Variants in THADA observed in about 807,000 individuals in gnomAD.
THADA encodes THADA armadillo repeat containing, also known as tRNA (32-2'-O)-methyltransferase regulator THADA.
THADA carries 213 observed loss-of-function variants against 219.8 expected under a neutral mutation model. The observed-to-expected ratio is 0.97, with a 90% CI of 0.87 to 1.09. THADA has a LOEUF of 1.09. Among genes scored for constraint, THADA ranks in the 50% least tolerant of loss-of-function variants. THADA has a pLI of 0.00. For missense variants in THADA, 2,956 were observed against 2,311.3 expected (o/e 1.28, Z -5.72); for synonymous variants, 1,018 against 828.9 (o/e 1.23, Z -3.92).
At chr2:43,488,030 T>C (rs1687123771) in intron 25 of THADA, among the ~76,000 whole-genome samples, 1 of 152,168 alleles carries the variant, frequency 6.6e-6, no homozygotes, top group Non-Finnish European at 1.5e-5. Context: ...TTTTTTAAAG[T>C]TTTTCCTCAT....
At chr2:43,364,078 T>C (rs1474919614) in intron 29 of THADA, among the ~76,000 whole-genome samples, 1 of 141,682 alleles carries the variant, frequency 7.1e-6, no homozygotes, top group Non-Finnish European at 1.5e-5. Flanking sequence ...CAAAAAATTA[T>C]ATGGGTGTGA....
At chr2:43,533,893 A>T (rs2103767587) in intron 21 of THADA, among the ~76,000 whole-genome samples, 1 of 152,328 alleles carries the variant, frequency 6.6e-6, no homozygotes, top group Admixed American at 6.5e-5. Context: ...GTCTCCCAGA[A>T]CTTAAAGTAA....
intron 17 of THADA, 166 bp downstream of exon 17, chr2:43,556,179 C>T: frequency 7.4e-7 from 1 of 1,352,868 alleles, no homozygotes; most frequent in Non-Finnish European, 9.7e-7. Context: ...AGTATTATAG[C>T]TGACTAAAAT....
chr2:43,397,663 C>A, intron 29 of THADA, among the ~76,000 whole-genome samples: 1 of 151,574 alleles, frequency 6.6e-6, no homozygotes, highest in Admixed American at 6.6e-5. Flanking sequence ...TGCAGGCATA[C>A]TTGATGGAAA....
chr2:43,582,599 C>T (rs1282226823), intron 7 of THADA, among the ~76,000 whole-genome samples: 2 of 140,804 alleles, frequency 1.4e-5, no homozygotes, highest in Non-Finnish European at 3.1e-5. Flanking sequence ...ACAGAGTCTC[C>T]CCCTCTGTCA....
At chr2:43,260,173 G>A (rs975619633) in intron 36 of THADA, among the ~76,000 whole-genome samples, 1 of 152,150 alleles carries the variant, frequency 6.6e-6, no homozygotes, top group Non-Finnish European at 1.5e-5. Context: ...GAACTCAAGT[G>A]ATCCTCCAGC....
intron 28 of THADA, among the ~76,000 whole-genome samples, chr2:43,422,938 C>T (rs1426613968): frequency 6.6e-6 from 1 of 152,108 alleles, no homozygotes; most frequent in Non-Finnish European, 1.5e-5. Flanking sequence ...CCAGGCTGGT[C>T]CAGGCTATTT....
intron 36 of THADA, among the ~76,000 whole-genome samples, chr2:43,234,135 T>C (rs1667754351): frequency 6.6e-6 from 1 of 152,216 alleles, no homozygotes. Flanking sequence ...CCAGTCCTTC[T>C]AGCATCCTAT....
chr2:43,548,144 T>G (rs1323174406), intron 20 of THADA, among the ~76,000 whole-genome samples: 2 of 152,246 alleles, frequency 1.3e-5, no homozygotes, highest in African/African-American at 4.8e-5. Context: ...AGACCCTGTT[T>G]GCCTGGGTAC....
Position 43,595,978 on chromosome 2 carries a change from C to G in THADA, c.-72G>C, listed in dbSNP as rs773577554. 2.6e-5 allele frequency: 4 copies of G among 152,348 alleles called. No homozygotes were observed. The highest frequency in any genetic ancestry group is 9.7e-5 in the African/African-American group (4 of 41,430). 9.4% of individuals were successfully genotyped at this position (152,348 alleles called of 1,614,324 possible). On this transcript the variant is annotated 5_prime_UTR_variant, in exon 1 of 38. Coordinates refer to ENST00000405975, the MANE Select transcript of THADA (RefSeq NM_022065.5). ...AAGAGTCGCAGGCGCCTGGTCCAGT[C>G]CCGGAAGCAGGTCTCCTTCTACGGC...
chr2:43,368,018 T>C (rs566151794), intron 29 of THADA, among the ~76,000 whole-genome samples: 2 of 152,190 alleles, frequency 1.3e-5, no homozygotes, highest in Non-Finnish European at 2.9e-5. Flanking sequence ...CTTGGGAGGC[T>C]GAGGCAGGAG....
chr2:43,556,382 A>G lies in THADA; in HGVS notation c.2637T>C (p.Asp879=), dbSNP rs754294786. The G allele has an allele frequency of 7.4e-6, 12 of 1,613,910 alleles. No homozygotes were observed. Among genetic ancestry groups the G allele is most frequent in the South Asian group, 1.1e-5 (1 of 91,080 alleles). The part of the protein sequence containing the change: ...LTQQVACDNG[D]RPAAVVERNT... Reference sequence around the variant, plus strand: ...TCCTTTCCACCACAGCAGCAGGCCTATCTCCATTATCACATGCAACTTGCT... The same window carrying G: ...TCCTTTCCACCACAGCAGCAGGCCTGTCTCCATTATCACATGCAACTTGCT... Residue 879 remains aspartate (D), a synonymous_variant, in exon 17 of 38, where the codon GAT becomes GAC. Transcript: ENST00000405975.
intron 29 of THADA, among the ~76,000 whole-genome samples, chr2:43,356,284 C>T (rs1015478788): frequency 1.3e-4 from 20 of 151,592 alleles, no homozygotes; most frequent in African/African-American, 3.4e-4. Flanking sequence ...AAATTCCAGA[C>T]GGAGAAAAGA....
At chr2:43,436,608 T>C (rs1680150116) in intron 26 of THADA, among the ~76,000 whole-genome samples, 1 of 152,218 alleles carries the variant, frequency 6.6e-6, no homozygotes, top group South Asian at 2.1e-4. Flanking sequence ...AAGGGACAGC[T>C]GAATGCCACT....
In THADA at chr2:43,293,314, G is replaced by C. The variant is rs141729063; in HGVS notation, c.4439-101C>G. The C allele has an allele frequency of 6.2e-5, 83 of 1,337,118 alleles. No homozygotes were observed. In the African/African-American group the frequency reaches 1.0e-3, roughly 17 times the overall value. 82.8% of individuals were successfully genotyped at this position (1,337,118 alleles called of 1,614,324 possible). ...CTGAATCCACTGCGTGAGGCCATCA[G>C]ATGTCTCCCATAAGCAGATTTCAAA... On this transcript the variant is annotated intron_variant, in intron 31 of 37. Coordinates refer to ENST00000405975, the MANE Select transcript of THADA (RefSeq NM_022065.5).
intron 29 of THADA, among the ~76,000 whole-genome samples, chr2:43,376,995 T>C (rs551497923): frequency 1.7e-3 from 263 of 152,256 alleles, no homozygotes; most frequent in African/African-American, 6.2e-3. Flanking sequence ...TTCCCATTCA[T>C]GGAGTACACG....
chr2:43,461,030 T>A (rs1683581928), intron 26 of THADA, among the ~76,000 whole-genome samples: 1 of 152,168 alleles, frequency 6.6e-6, no homozygotes, highest in African/African-American at 2.4e-5. Context: ...TGTATAAGGT[T>A]TGCTGGGGAC....
At chr2:43,480,685 G>A (rs1040648402) in intron 26 of THADA, among the ~76,000 whole-genome samples, 1 of 151,876 alleles carries the variant, frequency 6.6e-6, no homozygotes, top group African/African-American at 2.4e-5. Flanking sequence ...AGGTGTGGTA[G>A]TGTGCACCTG....
Position 43,264,683 on chromosome 2 carries a change from A to T in THADA, c.5296+15082T>A, listed in dbSNP as rs956891818. 2.0e-5 allele frequency among the ~76,000 whole-genome samples: 3 copies of T among 152,132 alleles called. No homozygotes were observed. In the South Asian group the frequency reaches 6.2e-4, roughly 31 times the overall value. On this transcript the variant is annotated intron_variant, in intron 36 of 37. Coordinates refer to ENST00000405975, the MANE Select transcript of THADA (RefSeq NM_022065.5). Reference sequence around the variant, plus strand: ...TTTGTAGCCAAGGTGGAAATTTCAGATTCCTAGATCTACTCTGGATTGGGA... The same window carrying T: ...TTTGTAGCCAAGGTGGAAATTTCAGTTTCCTAGATCTACTCTGGATTGGGA...
Sources: allele counts gnomAD v4.1 joint callset (sites outside exome capture counted in the v4.1 genomes callset), GRCh38; gene constraint gnomAD v4.1.1; transcripts MANE v1.5; gene names NCBI Gene and HGNC (gene_info 2026-07-23, HGNC 2026-07-21).